SH3RF1: variants seen among roughly 807,000 people sequenced by gnomAD.
SH3RF1 encodes the protein SH3 domain containing ring finger 1.
In SH3RF1, 32 loss-of-function variants were observed where a neutral mutation model predicts 74.0. That is an observed-to-expected ratio of 0.43 (90% CI 0.33 to 0.58). SH3RF1 has a LOEUF of 0.58. Ranked by LOEUF, SH3RF1 falls within the 20% of genes least tolerant of loss-of-function variation. The pLI is 0.05. For synonymous variants in SH3RF1, 396 were observed against 439.6 expected (o/e 0.90, Z 1.24); for missense variants, 954 against 1,130.9 (o/e 0.84, Z 2.24).
At chr4:169,203,596 C>T (rs778207171) in intron 2 of SH3RF1, among the ~76,000 whole-genome samples, 12 of 151,868 alleles carry the variant, frequency 7.9e-5, no homozygotes, top group Non-Finnish European at 4.4e-5. Context: ...AATTGCTCTG[C>T]AATCCCTACC....
chr4:169,098,413 T>C (rs897812033), intron 11 of SH3RF1, among the ~76,000 whole-genome samples: 1 of 152,220 alleles, frequency 6.6e-6, no homozygotes, highest in Non-Finnish European at 1.5e-5. Flanking sequence ...TGAAACCTAT[T>C]ACAGCCTGCC....
At chr4:169,233,478 G>A (rs1447149000) in intron 2 of SH3RF1, among the ~76,000 whole-genome samples, 1 of 152,114 alleles carries the variant, frequency 6.6e-6, no homozygotes, top group Non-Finnish European at 1.5e-5. Flanking sequence ...GATAACTAAT[G>A]TTTATTGAAG....
chr4:169,161,199 T>C (rs1286821781), intron 2 of SH3RF1, among the ~76,000 whole-genome samples: 1 of 152,232 alleles, frequency 6.6e-6, no homozygotes, highest in Non-Finnish European at 1.5e-5. Context: ...CGGCTTGTCA[T>C]TCACACTGCC....
chr4:169,146,069 TA>T (rs1444530436), intron 4 of SH3RF1, among the ~76,000 whole-genome samples: 1 of 137,382 alleles, frequency 7.3e-6, no homozygotes, highest in Admixed American at 7.4e-5. Flanking sequence ...ATATTCTATA[TA>T]AAATATTATA....
At chr4:169,240,357 C>T (rs1334659535) in intron 2 of SH3RF1, among the ~76,000 whole-genome samples, 3 of 151,670 alleles carry the variant, frequency 2.0e-5, no homozygotes, top group Admixed American at 6.6e-5. Flanking sequence ...CCACCATGCC[C>T]GCCTGATTTT....
chr4:169,237,249 G>A (rs747012291), intron 2 of SH3RF1, among the ~76,000 whole-genome samples: 19 of 152,344 alleles, frequency 1.2e-4, no homozygotes, highest in Non-Finnish European at 2.5e-4. Context: ...CGGTGAAGGT[G>A]ATTTGAAAGT....
At chr4:169,268,770 T>C (rs778592210) in intron 2 of SH3RF1, 50 bp downstream of exon 2, 11 of 1,508,646 alleles carry the variant, frequency 7.3e-6, no homozygotes, top group Non-Finnish European at 9.7e-6. Flanking sequence ...AAAGAAAAAA[T>C]GTGGACATTA....
chr4:169,186,151 C>T (rs1251208469), intron 2 of SH3RF1, among the ~76,000 whole-genome samples: 35 of 152,152 alleles, frequency 2.3e-4, no homozygotes, highest in Admixed American at 2.3e-3. Flanking sequence ...GGAATGATAA[C>T]TTCTCCAGCA....
chr4:169,119,204 A>G (rs1236361809), intron 8 of SH3RF1, among the ~76,000 whole-genome samples: 1 of 151,422 alleles, frequency 6.6e-6, no homozygotes, highest in Non-Finnish European at 1.5e-5. Flanking sequence ...CCCAGGTTCA[A>G]GTGATTATCC....
Position 169,107,194 on chromosome 4 carries a change from C to CA in SH3RF1, c.2150_2151insT (p.Lys717AsnfsTer13), listed in dbSNP as rs1320940002. 6.5e-7 allele frequency: 1 copy of CA among 1,538,984 alleles called. No individual in the cohort carries two copies. The highest frequency in any genetic ancestry group is 8.7e-7 in the Non-Finnish European group (1 of 1,144,252). On this transcript the variant is annotated frameshift_variant, in exon 11 of 12. Coordinates refer to ENST00000284637, the MANE Select transcript of SH3RF1 (RefSeq NM_020870.4). LOFTEE classifies it high-confidence loss of function. ...CGCCAGAAAGCAACTTCAACAAACC[C>CA]TTTTTTTCTTTCTGGAAAAAAAAAA...
chr4:169,096,890 C>T (rs1241090250), intron 11 of SH3RF1, among the ~76,000 whole-genome samples: 2 of 152,190 alleles, frequency 1.3e-5, no homozygotes, highest in East Asian at 1.9e-4. Context: ...TGTGTGTCAA[C>T]CCACTACTGA....
chr4:169,232,076 G>A (rs923872928), intron 2 of SH3RF1, among the ~76,000 whole-genome samples: 18 of 152,188 alleles, frequency 1.2e-4, no homozygotes, highest in Non-Finnish European at 2.5e-4. Flanking sequence ...AGGAGAGTTT[G>A]CAAAGCCAGG....
chr4:169,155,222 A>C (rs1432939726), intron 4 of SH3RF1, among the ~76,000 whole-genome samples: 2 of 152,098 alleles, frequency 1.3e-5, no homozygotes, highest in African/African-American at 4.8e-5. Flanking sequence ...GGTGACTGAC[A>C]ATAAGCATAC....
intron 6 of SH3RF1, among the ~76,000 whole-genome samples, chr4:169,129,152 A>C (rs1396166294): frequency 6.6e-6 from 1 of 152,232 alleles, no homozygotes; most frequent in Admixed American, 6.5e-5. Flanking sequence ...GTGGGCAGGC[A>C]GGGTGATGCA....
intron 2 of SH3RF1, among the ~76,000 whole-genome samples, chr4:169,162,786 C>A (rs1057076769): frequency 2.6e-5 from 4 of 152,206 alleles, no homozygotes; most frequent in African/African-American, 7.2e-5. Flanking sequence ...AGCCAGCCCC[C>A]CTCCTTATTC....
intron 2 of SH3RF1, among the ~76,000 whole-genome samples, chr4:169,218,036 T>C (rs1451187151): frequency 1.3e-5 from 2 of 151,570 alleles, no homozygotes. Context: ...AATGCTATTA[T>C]CCCTATGGGG....
chr4:169,256,835 A>G (rs535197612), intron 2 of SH3RF1, among the ~76,000 whole-genome samples: 254 of 152,334 alleles, frequency 1.7e-3, no homozygotes, highest in Non-Finnish European at 2.7e-3. Context: ...ACTCCTGGCC[A>G]CAACTGATCC....
intron 2 of SH3RF1, among the ~76,000 whole-genome samples, chr4:169,232,748 C>G (rs963988150): frequency 6.6e-6 from 1 of 152,018 alleles, no homozygotes. Context: ...GTACTTTAAT[C>G]CTGAAAAATG....
At chr4:169,250,310 C>T (rs1195593135) in intron 2 of SH3RF1, among the ~76,000 whole-genome samples, 1 of 148,886 alleles carries the variant, frequency 6.7e-6, no homozygotes, top group Non-Finnish European at 1.5e-5. Flanking sequence ...CTGCTCATCT[C>T]TTGGGTTTAA....
Sources: gnomAD v4.1 joint callset for allele counts (sites outside exome capture counted in the v4.1 genomes callset) on GRCh38, gnomAD v4.1.1 for gene constraint, MANE v1.5 for transcripts, NCBI Gene and HGNC (gene_info 2026-07-23, HGNC 2026-07-21) for gene names.